LYPD6: variants seen among roughly 807,000 people sequenced by gnomAD.
LYPD6 encodes the protein ly6/PLAUR domain-containing protein 6.
LYPD6 carries 15 observed loss-of-function variants against 22.7 expected under a neutral mutation model. The observed-to-expected ratio is 0.66, with a 90% CI of 0.44 to 1.02. LYPD6 has a LOEUF of 1.02. LYPD6 is among the 50% of genes least tolerant of loss of function. The probability of loss-of-function intolerance (pLI) is 0.00; values close to 1 mark genes in which losing one functional copy is unlikely to be tolerated. For missense variants in LYPD6, 189 were observed against 208.4 expected, an observed-to-expected ratio of 0.91 and a Z score of 0.57; for synonymous variants, 72 against 77.5, an observed-to-expected ratio of 0.93 and a Z score of 0.37.
intron 1 of LYPD6, among the ~76,000 whole-genome samples, chr2:149,351,477 T>C (rs1681358666): frequency 6.6e-6 from 1 of 151,422 alleles, no homozygotes; most frequent in African/African-American, 2.4e-5. Context: ...GGGCCGTAGA[T>C]GTTAGAGGCA....
chr2:149,481,828 T>G, the LYPD6 span, among the ~76,000 whole-genome samples: 5 of 152,344 alleles, frequency 3.3e-5, no homozygotes, highest in East Asian at 7.7e-4. Flanking sequence ...ATTTTCCAAT[T>G]TTATGCAATG....
At chr2:149,346,761 C>T (rs761674704) in intron 1 of LYPD6, among the ~76,000 whole-genome samples, 22 of 152,102 alleles carry the variant, frequency 1.4e-4, no homozygotes, top group Non-Finnish European at 2.2e-4. Context: ...AGTGCAGTGG[C>T]GTGATCTCGG....
chr2:149,350,190 G>A (rs1681333441), intron 1 of LYPD6, among the ~76,000 whole-genome samples: 1 of 152,186 alleles, frequency 6.6e-6, no homozygotes, highest in Non-Finnish European at 1.5e-5. Flanking sequence ...GAGACATTGT[G>A]CCTTTTGTCC....
chr2:149,340,228 C>T (rs2105048145), intron 1 of LYPD6, among the ~76,000 whole-genome samples: 1 of 152,192 alleles, frequency 6.6e-6, no homozygotes, highest in African/African-American at 2.4e-5. Context: ...TTATTTTAAG[C>T]ACAATTTTTA....
At chr2:149,345,346 G>A (rs1287835934) in intron 1 of LYPD6, among the ~76,000 whole-genome samples, 1 of 120,080 alleles carries the variant, frequency 8.3e-6, no homozygotes, top group Non-Finnish European at 1.7e-5. Flanking sequence ...TCGCTTTGTT[G>A]CCCAGGCTGG....
At chr2:149,481,709 T>G in the LYPD6 span, among the ~76,000 whole-genome samples, 5 of 152,204 alleles carry the variant, frequency 3.3e-5, no homozygotes, top group African/African-American at 1.2e-4. Context: ...ATGTTCAATG[T>G]GTCATACTAT....
At chr2:149,482,576 C>G in the LYPD6 span, among the ~76,000 whole-genome samples, 4 of 152,190 alleles carry the variant, frequency 2.6e-5, no homozygotes, top group African/African-American at 4.8e-5. Context: ...CTTCCATTCT[C>G]TGAGCTCCCA....
chr2:149,444,522 A>C (rs551578403), intron 2 of LYPD6, among the ~76,000 whole-genome samples: 1 of 152,332 alleles, frequency 6.6e-6, no homozygotes, highest in Non-Finnish European at 1.5e-5. Flanking sequence ...ACTTCTTTCA[A>C]ACTTGGAATT....
intron 3 of LYPD6, among the ~76,000 whole-genome samples, chr2:149,462,286 A>G (rs1030750799): frequency 6.6e-6 from 1 of 151,974 alleles, no homozygotes; most frequent in Non-Finnish European, 1.5e-5. Flanking sequence ...ATTTATATAT[A>G]CCATTTAAAA....
At chr2:149,454,834 A>G (rs1680914522) in intron 3 of LYPD6, among the ~76,000 whole-genome samples, 1 of 152,180 alleles carries the variant, frequency 6.6e-6, no homozygotes, top group Admixed American at 6.5e-5. Context: ...CTGGAATTCT[A>G]TGTGGAGACC....
chr2:149,452,905 T>C (rs1383308783), intron 3 of LYPD6, among the ~76,000 whole-genome samples: 1 of 152,212 alleles, frequency 6.6e-6, no homozygotes. Context: ...TAACTCAGGT[T>C]CCCTGTCTCT....
intron 1 of LYPD6, among the ~76,000 whole-genome samples, chr2:149,339,868 A>G (rs1271448044): frequency 6.6e-6 from 1 of 152,178 alleles, no homozygotes; most frequent in Non-Finnish European, 1.5e-5. Flanking sequence ...GTTAGGCAAA[A>G]CGAAAGTATT....
chr2:149,388,173 TCTCTCTC>T (rs1284260176), intron 1 of LYPD6, among the ~76,000 whole-genome samples: 2 of 97,826 alleles, frequency 2.0e-5, no homozygotes, highest in East Asian at 5.3e-4. Context: ...TCTTTCTCTC[TCTCTCTC>T]TTTTTTTTTT....
intron 1 of LYPD6, among the ~76,000 whole-genome samples, chr2:149,377,764 A>G: frequency 6.7e-6 from 1 of 148,824 alleles, no homozygotes; most frequent in Non-Finnish European, 1.5e-5. Context: ...TGGACGACAG[A>G]GCGAGACTTT....
the LYPD6 span, among the ~76,000 whole-genome samples, chr2:149,481,807 C>A: frequency 6.6e-6 from 1 of 151,980 alleles, no homozygotes; most frequent in African/African-American, 2.4e-5. Context: ...TAACTTTTTT[C>A]TTTTAAAAAA....
chr2:149,423,268 G>A (rs1158160747), intron 1 of LYPD6, among the ~76,000 whole-genome samples: 2 of 152,146 alleles, frequency 1.3e-5, no homozygotes, highest in African/African-American at 4.8e-5. Flanking sequence ...AATTAGATTG[G>A]CCTGAAGCAT....
intron 1 of LYPD6, among the ~76,000 whole-genome samples, chr2:149,350,545 A>T (rs1295443954): frequency 6.6e-6 from 1 of 152,142 alleles, no homozygotes; most frequent in Non-Finnish European, 1.5e-5. Flanking sequence ...AGGGGTTTAT[A>T]AAGAAACCCT....
At chr2:149,334,308 C>T (rs1397296980) in intron 1 of LYPD6, among the ~76,000 whole-genome samples, 1 of 152,056 alleles carries the variant, frequency 6.6e-6, no homozygotes, top group African/African-American at 2.4e-5. Context: ...CCCTTAAATA[C>T]TGTGAAATAA....
At chr2:149,410,961 T>C (rs999407128) in intron 1 of LYPD6, among the ~76,000 whole-genome samples, 1 of 152,230 alleles carries the variant, frequency 6.6e-6, no homozygotes, top group Non-Finnish European at 1.5e-5. Context: ...TTTCATTGTT[T>C]TACTGAAATG....
Sources: gnomAD v4.1 joint callset for allele counts (sites outside exome capture counted in the v4.1 genomes callset) on GRCh38, gnomAD v4.1.1 for gene constraint, MANE v1.5 for transcripts, NCBI Gene and HGNC (gene_info 2026-07-23, HGNC 2026-07-21) for gene names.